TMCC1: variants seen among roughly 807,000 people sequenced by gnomAD.
The protein encoded by TMCC1 is transmembrane and coiled-coil domain family 1, also known as transmembrane and coiled-coil domains protein 1.
A neutral mutation model predicts 52.4 loss-of-function variants in TMCC1; 15 were observed. The observed-to-expected ratio is 0.29, with a 90% CI of 0.19 to 0.44. The LOEUF (loss-of-function observed/expected upper bound fraction) is 0.44, where lower values mean the gene tolerates loss of function less well. Among genes scored for constraint, TMCC1 ranks in the 20% least tolerant of loss-of-function variants. The pLI is 1.00. For missense variants in TMCC1, 503 were observed against 806.0 expected, an observed-to-expected ratio of 0.62 and a Z score of 4.55; for synonymous variants, 279 against 301.9, an observed-to-expected ratio of 0.92 and a Z score of 0.79.
Position 129,708,448 on chromosome 3 carries a change from CT to C in TMCC1, c.577-37185del, listed in dbSNP as rs1173294401. On this transcript the variant is annotated intron_variant, in intron 4 of 6. Transcript: ENST00000393238. The stretch of plus-strand genomic sequence containing the variant: ...AACCTAGTTGCATGTAGTTTGCATC[CT>C]GTTTGCTTTTTCTTTAACTGAAAAC... Among the ~76,000 whole-genome samples the C allele has an allele frequency of 3.9e-5, 6 of 152,276 alleles. No homozygotes were observed. In the South Asian group the frequency reaches 1.0e-3, roughly 26 times the overall value.
intron 4 of TMCC1, among the ~76,000 whole-genome samples, chr3:129,815,223 A>G (rs1247746312): frequency 6.6e-6 from 1 of 152,126 alleles, no homozygotes; most frequent in Non-Finnish European, 1.5e-5. Flanking sequence ...TAAAGCTAGA[A>G]ATAAGTAACA....
At chr3:129,770,276 G>T (rs1017150036) in intron 4 of TMCC1, among the ~76,000 whole-genome samples, 2 of 152,216 alleles carry the variant, frequency 1.3e-5, no homozygotes, top group Non-Finnish European at 2.9e-5. Context: ...AGCACTTTGG[G>T]AGGCTGAGGC....
intron 4 of TMCC1, among the ~76,000 whole-genome samples, chr3:129,771,811 A>G (rs1252639884): frequency 6.6e-6 from 1 of 150,720 alleles, no homozygotes; most frequent in Non-Finnish European, 1.5e-5. Flanking sequence ...AAGAAGAAGA[A>G]AAAACAATTG....
intron 2 of TMCC1, among the ~76,000 whole-genome samples, chr3:129,864,633 CAA>C (rs1200927868): frequency 6.6e-6 from 1 of 152,066 alleles, no homozygotes; most frequent in Non-Finnish European, 1.5e-5. Flanking sequence ...AGTGAAAATA[CAA>C]AAAATCAGCC....
chr3:129,793,610 A>C (rs1311049538), intron 4 of TMCC1, among the ~76,000 whole-genome samples: 1 of 152,210 alleles, frequency 6.6e-6, no homozygotes, highest in Non-Finnish European at 1.5e-5. Flanking sequence ...TCTGCACTAA[A>C]TGACTGGGTC....
At chr3:129,765,676 T>C (rs1007728897) in intron 4 of TMCC1, among the ~76,000 whole-genome samples, 2 of 152,100 alleles carry the variant, frequency 1.3e-5, no homozygotes, top group African/African-American at 4.8e-5. Context: ...GGAAAATAGA[T>C]GGTCTCAGTG....
At chr3:129,722,729 T>A (rs1010129452) in intron 4 of TMCC1, among the ~76,000 whole-genome samples, 2 of 152,206 alleles carry the variant, frequency 1.3e-5, no homozygotes. Flanking sequence ...CCACTCACCC[T>A]GGGCTAGCAT....
intron 4 of TMCC1, among the ~76,000 whole-genome samples, chr3:129,778,998 T>C (rs1223473230): frequency 6.6e-6 from 1 of 152,156 alleles, no homozygotes; most frequent in Non-Finnish European, 1.5e-5. Flanking sequence ...TAGTTTGTTT[T>C]TTTTTGTGGA....
chr3:129,749,857 T>TTTGAATCTATGATTCAAA (rs531733532), intron 4 of TMCC1, among the ~76,000 whole-genome samples: 3 of 152,274 alleles, frequency 2.0e-5, no homozygotes, highest in Non-Finnish European at 4.4e-5. Context: ...CTTTCCAATA[T>TTTGAATCTATGATTCAAA]TTGAATCTAT....
chr3:129,867,070 G>A (rs1326337496), intron 2 of TMCC1: 1 of 151,036 alleles, frequency 6.6e-6, no homozygotes, highest in Non-Finnish European at 1.5e-5. Context: ...TCACCTACAC[G>A]AGTCTCATCC....
intron 4 of TMCC1, among the ~76,000 whole-genome samples, chr3:129,783,053 A>G (rs1222316489): frequency 6.6e-6 from 1 of 152,240 alleles, no homozygotes; most frequent in Non-Finnish European, 1.5e-5. Context: ...TATAAATTCA[A>G]AACTTTACAA....
chr3:129,876,131 T>A (rs1014396902), intron 2 of TMCC1, among the ~76,000 whole-genome samples: 2 of 142,934 alleles, frequency 1.4e-5, no homozygotes, highest in Non-Finnish European at 3.0e-5. Flanking sequence ...CAAGATTTCA[T>A]CTCAAAAAAA....
chr3:129,691,967 T>A (rs2047059720), intron 4 of TMCC1, among the ~76,000 whole-genome samples: 1 of 152,148 alleles, frequency 6.6e-6, no homozygotes, highest in South Asian at 2.1e-4. Context: ...AAAGTGAACA[T>A]CTGACACTTT....
At chr3:129,688,506 A>G (rs1428742417) in intron 4 of TMCC1, 1 of 985,338 alleles carries the variant, frequency 1.0e-6, no homozygotes, top group African/African-American at 1.7e-5. Flanking sequence ...ACTTTCACAA[A>G]ACAGGCAGGT....
chr3:129,712,623 AT>A (rs946518980), intron 4 of TMCC1, among the ~76,000 whole-genome samples: 2 of 149,312 alleles, frequency 1.3e-5, no homozygotes, highest in Admixed American at 1.3e-4. Context: ...AATTAAAAAA[AT>A]TTTTTTTTTG....
At chr3:129,743,175 T>C (rs945190017) in intron 4 of TMCC1, among the ~76,000 whole-genome samples, 4 of 152,120 alleles carry the variant, frequency 2.6e-5, no homozygotes, top group African/African-American at 4.8e-5. Flanking sequence ...GTGAGGTGTA[T>C]GGTATAAGAA....
At position 129,885,395 on chromosome 3, in the gene TMCC1, C is replaced by T. The variant is rs542751687; in HGVS notation, c.-434-4836G>A. Among the ~76,000 whole-genome samples, 26 of 152,062 alleles carry T rather than the reference C, an allele frequency of 1.7e-4. No homozygotes were observed. The East Asian group carries it at 5.1e-3, about 30-fold the overall frequency. On this transcript the variant is annotated intron_variant, in intron 1 of 6. Coordinates refer to ENST00000393238, the MANE Select transcript of TMCC1 (RefSeq NM_001017395.5). ...CTGAGGTCAGGAGTTCAAGACCGGCCTGACCAACATGGTGAAACCGTCTCT... is the reference window on the plus strand; with the variant it reads ...CTGAGGTCAGGAGTTCAAGACCGGCTTGACCAACATGGTGAAACCGTCTCT...
chr3:129,831,690 G>A (rs944060719), intron 3 of TMCC1, among the ~76,000 whole-genome samples: 3 of 152,176 alleles, frequency 2.0e-5, no homozygotes, highest in African/African-American at 7.2e-5. Flanking sequence ...CAATAGTGAT[G>A]TTGCAATAAT....
intron 4 of TMCC1, among the ~76,000 whole-genome samples, chr3:129,755,700 C>T (rs1261969296): frequency 6.6e-6 from 1 of 152,224 alleles, no homozygotes; most frequent in East Asian, 1.9e-4. Flanking sequence ...TAGCATTACA[C>T]ACACATTAGA....
Sources: gnomAD v4.1 joint callset for allele counts (sites outside exome capture counted in the v4.1 genomes callset) on GRCh38, gnomAD v4.1.1 for gene constraint, MANE v1.5 for transcripts, NCBI Gene and HGNC (gene_info 2026-07-23, HGNC 2026-07-21) for gene names.